CDH13: variants seen among roughly 807,000 people sequenced by gnomAD.
The protein encoded by CDH13 is cadherin-13.
In CDH13, 24 loss-of-function variants were observed where a neutral mutation model predicts 63.8. The ratio of observed to expected loss-of-function variants is 0.38; its 90% CI spans 0.27 to 0.53. The LOEUF is 0.53. Among genes scored for constraint, CDH13 ranks in the 20% least tolerant of loss-of-function variants. The probability of loss-of-function intolerance (pLI) is 0.85; values close to 1 mark genes in which losing one functional copy is unlikely to be tolerated. For missense variants in CDH13, 1,049 were observed against 903.1 expected (o/e 1.16, Z -2.07); for synonymous variants, 503 against 355.3 (o/e 1.42, Z -4.67).
chr16:82,852,291 G>T (rs1005922198), intron 1 of CDH13, among the ~76,000 whole-genome samples: 2 of 152,200 alleles, frequency 1.3e-5, no homozygotes, highest in East Asian at 3.9e-4. Context: ...TGTACAATCA[G>T]CTGCTGCAAC....
chr16:83,744,846 C>A (rs1912418190), intron 10 of CDH13, among the ~76,000 whole-genome samples: 1 of 152,176 alleles, frequency 6.6e-6, no homozygotes, highest in Non-Finnish European at 1.5e-5. Flanking sequence ...CTGTTAGAAC[C>A]CAGGTCCTTT....
At chr16:82,894,367 C>T (rs1018255436) in intron 2 of CDH13, among the ~76,000 whole-genome samples, 6 of 152,108 alleles carry the variant, frequency 3.9e-5, no homozygotes, top group African/African-American at 1.2e-4. Flanking sequence ...ATAGGGCAGG[C>T]GTGGTGGCTC....
intron 4 of CDH13, among the ~76,000 whole-genome samples, chr16:83,159,048 C>T (rs7206500): frequency 0.024 from 3,671 of 152,164 alleles, 108 homozygotes; most frequent in South Asian, 0.082. Context: ...TAGTCAGACA[C>T]CTTCAACTTC....
chr16:82,804,972 G>T (rs552241303), intron 1 of CDH13, among the ~76,000 whole-genome samples: 1 of 152,236 alleles, frequency 6.6e-6, no homozygotes, highest in South Asian at 2.1e-4. Context: ...CTACTTAGCA[G>T]ATGTTCAAGG....
At chr16:83,748,339 G>T (rs985811628) in intron 11 of CDH13, 89 bp downstream of exon 11, 2 of 1,230,570 alleles carry the variant, frequency 1.6e-6, no homozygotes, top group Admixed American at 2.2e-5. Flanking sequence ...ACACCCAGGG[G>T]TGTTCTTGGG....
chr16:83,391,656 C>G (rs1404628551), intron 6 of CDH13, among the ~76,000 whole-genome samples: 1 of 152,198 alleles, frequency 6.6e-6, no homozygotes, highest in Middle Eastern at 3.2e-3. Context: ...AGTATCCTCA[C>G]ACAGGGTCAC....
At chr16:82,922,407 C>G (rs988842496) in intron 2 of CDH13, among the ~76,000 whole-genome samples, 1 of 152,124 alleles carries the variant, frequency 6.6e-6, no homozygotes, top group Non-Finnish European at 1.5e-5. Flanking sequence ...CTTTCACATG[C>G]CAGGGAGTAG....
At chr16:82,901,992 T>C (rs1337348935) in intron 2 of CDH13, among the ~76,000 whole-genome samples, 1 of 152,212 alleles carries the variant, frequency 6.6e-6, no homozygotes, top group African/African-American at 2.4e-5. Flanking sequence ...GAGATTTCTT[T>C]TAGTGACTTG....
chr16:83,368,481 C>A (rs1385023675), intron 6 of CDH13, among the ~76,000 whole-genome samples: 1 of 151,984 alleles, frequency 6.6e-6, no homozygotes, highest in Non-Finnish European at 1.5e-5. Flanking sequence ...AGTTGTTTTC[C>A]TTTTCCTAAA....
intron 2 of CDH13, among the ~76,000 whole-genome samples, chr16:82,961,762 A>C (rs566869553): frequency 1.3e-5 from 2 of 152,166 alleles, no homozygotes; most frequent in Admixed American, 6.5e-5. Flanking sequence ...TTGGTTCTCA[A>C]GTTGGGGTGA....
At chr16:83,743,128 A>T (rs1040302909) in intron 10 of CDH13, among the ~76,000 whole-genome samples, 8 of 152,108 alleles carry the variant, frequency 5.3e-5, no homozygotes, top group African/African-American at 1.9e-4. Context: ...AATTATTTGA[A>T]CCCAGGAGGC....
In CDH13 at chr16:82,769,713, T is replaced by G. The variant is rs536782515; in HGVS notation, c.46-88649T>G. Reference sequence around the variant, plus strand: ...CTTTATGTTTGCAAATGACAAATTATTCACAGAAAGACATGTGCCCACCAG... The same window carrying G: ...CTTTATGTTTGCAAATGACAAATTAGTCACAGAAAGACATGTGCCCACCAG... On this transcript the variant is annotated intron_variant, in intron 1 of 13. Coordinates refer to ENST00000567109, the MANE Select transcript of CDH13 (RefSeq NM_001257.5). 3.9e-5 allele frequency among the ~76,000 whole-genome samples: 6 copies of G among 152,358 alleles called. No individual in the cohort carries two copies. In the South Asian group the frequency reaches 8.3e-4, roughly 21 times the overall value.
At chr16:82,916,208 G>C (rs1396562861) in intron 2 of CDH13, among the ~76,000 whole-genome samples, 2 of 152,062 alleles carry the variant, frequency 1.3e-5, no homozygotes, top group African/African-American at 4.8e-5. Flanking sequence ...TATGGGCTGC[G>C]GAAATAGGTT....
At chr16:82,995,539 C>G (rs183133916) in intron 2 of CDH13, among the ~76,000 whole-genome samples, 1 of 152,172 alleles carries the variant, frequency 6.6e-6, no homozygotes, top group Non-Finnish European at 1.5e-5. Flanking sequence ...TCCCCAATAC[C>G]ATCAAGCCAC....
chr16:82,758,126 A>G (rs1011880763), intron 1 of CDH13, among the ~76,000 whole-genome samples: 4 of 152,162 alleles, frequency 2.6e-5, no homozygotes, highest in Middle Eastern at 6.8e-3. Context: ...TCCAAGGGAC[A>G]TTTTCCTTGG....
rs1394550975 is a variant in CDH13 at position 83,551,113 on chromosome 16, A to T, written c.961-51341A>T. ...CTATCTATCTTTGAGACAGCTTCTC[A>T]CTCCATCATCCAGGCTGGTGTACAG... On this transcript the variant is annotated intron_variant, in intron 7 of 13. Transcript: ENST00000567109. Among the ~76,000 whole-genome samples the T allele has an allele frequency of 2.7e-5, 4 of 150,334 alleles. No individual in the cohort carries two copies. In the East Asian group the frequency reaches 7.9e-4, roughly 30 times the overall value.
intron 5 of CDH13, among the ~76,000 whole-genome samples, chr16:83,276,641 C>T (rs542043551): frequency 2.6e-5 from 4 of 152,116 alleles, no homozygotes; most frequent in South Asian, 4.2e-4. Flanking sequence ...GAGGCCAAGT[C>T]GGGAGGATCA....
At chr16:83,739,478 A>G (rs955439430) in intron 10 of CDH13, among the ~76,000 whole-genome samples, 3 of 152,168 alleles carry the variant, frequency 2.0e-5, no homozygotes, top group Admixed American at 1.3e-4. Flanking sequence ...AGTTTTAACC[A>G]TTGAATATGA....
intron 1 of CDH13, among the ~76,000 whole-genome samples, chr16:82,777,132 T>C (rs937489452): frequency 1.3e-5 from 2 of 152,100 alleles, no homozygotes; most frequent in East Asian, 3.9e-4. Flanking sequence ...TTTGTTTGTG[T>C]GTTTGTTTGT....
Sources: allele counts gnomAD v4.1 joint callset (sites outside exome capture counted in the v4.1 genomes callset), GRCh38; gene constraint gnomAD v4.1.1; transcripts MANE v1.5; gene names NCBI Gene and HGNC (gene_info 2026-07-23, HGNC 2026-07-21).